Variants in C8A observed in about 807,000 individuals in gnomAD.
The protein encoded by C8A is complement component C8 alpha chain.
In C8A, 67 loss-of-function variants were observed where a neutral mutation model predicts 65.3. That is an observed-to-expected ratio of 1.03 (90% CI 0.84 to 1.26). The LOEUF is 1.26. Among genes scored for constraint, C8A ranks in the 50% most tolerant of loss-of-function variants. C8A has a pLI of 0.00. For synonymous variants in C8A, 290 were observed against 259.4 expected, an observed-to-expected ratio of 1.12 and a Z score of -1.13; for missense variants, 781 against 723.9, an observed-to-expected ratio of 1.08 and a Z score of -0.90.
intron 1 of C8A, among the ~76,000 whole-genome samples, chr1:56,858,862 C>G (rs1052826395): frequency 2.0e-5 from 3 of 152,216 alleles, no homozygotes; most frequent in African/African-American, 7.2e-5. Context: ...GTCCTGGCAT[C>G]ACCACGTAGT....
chr1:56,885,987 G>A lies in C8A; in HGVS notation c.916G>A (p.Asp306Asn). The A allele has an allele frequency of 6.2e-7, 1 of 1,614,032 alleles. No individual in the cohort carries two copies. The change falls in exon 7 of 11, where the codon GAT (aspartate) becomes AAT (asparagine). Residue 306 changes from aspartate (D) to asparagine (N), a missense_variant. Physicochemically the swap from Asp to Asn is conservative, Grantham distance 23. Transcript: ENST00000361249. ...GACTGCACATTTTAAGATGAGGAAGGATGACATTATGCTGGATGAAGGAAT... is the reference window on the plus strand; with the variant it reads ...GACTGCACATTTTAAGATGAGGAAGAATGACATTATGCTGGATGAAGGAAT... ...VQTAHFKMRKDDIMLDEGMLQ... is the reference protein window; with the variant it reads ...VQTAHFKMRKNDIMLDEGMLQ...
intron 9 of C8A, among the ~76,000 whole-genome samples, chr1:56,911,713 C>T (rs1385898570): frequency 1.3e-4 from 20 of 152,322 alleles, no homozygotes; most frequent in Non-Finnish European, 2.6e-4. Context: ...CCCTGAACTA[C>T]GGTCATGTCT....
chr1:56,904,159 T>C (rs949520053), intron 7 of C8A, among the ~76,000 whole-genome samples: 3 of 152,200 alleles, frequency 2.0e-5, no homozygotes, highest in Non-Finnish European at 4.4e-5. Flanking sequence ...ATCTCTCTGG[T>C]TCTGCGTCCT....
chr1:56,884,230 C>T (rs1644271938), intron 6 of C8A, among the ~76,000 whole-genome samples: 1 of 151,838 alleles, frequency 6.6e-6, no homozygotes, highest in South Asian at 2.1e-4. Context: ...CAAAAGTTGG[C>T]AGAAAGGTGC....
chr1:56,898,507 C>T (rs1474649292), intron 7 of C8A, among the ~76,000 whole-genome samples: 1 of 152,136 alleles, frequency 6.6e-6, no homozygotes, highest in Non-Finnish European at 1.5e-5. Context: ...TGGAATTTTG[C>T]ACCTCTCCCT....
rs552077233 is a variant in C8A at position 56,885,479 on chromosome 1, A to AAT, written c.856-441_856-440dup. On this transcript the variant is annotated intron_variant, in intron 6 of 10. Coordinates refer to ENST00000361249, the MANE Select transcript of C8A (RefSeq NM_000562.3). ...ATTTCCGTAAATATATATTTATTTA[A>AAT]ATATATATTTACGTAAATACATATA... is the stretch of plus-strand genomic sequence containing the variant. Among the ~76,000 whole-genome samples the AAT allele has an allele frequency of 7.8e-5, 8 of 102,706 alleles. 2 individuals carry two copies. The South Asian group carries it at 1.2e-3, about 16-fold the overall frequency. The allele number at this position is 102,706 out of a possible 152,430, so 67.4% of individuals were successfully genotyped here.
At chr1:56,902,446 C>T (rs1382713776) in intron 7 of C8A, among the ~76,000 whole-genome samples, 1 of 152,124 alleles carries the variant, frequency 6.6e-6, no homozygotes, top group African/African-American at 2.4e-5. Flanking sequence ...TGGCTTTGAA[C>T]ATCTTCACCC....
intron 7 of C8A, among the ~76,000 whole-genome samples, chr1:56,901,860 G>C (rs979256345): frequency 6.6e-6 from 1 of 151,822 alleles, no homozygotes; most frequent in African/African-American, 2.4e-5. Context: ...AGTCCTCCTC[G>C]CACACTACAA....
At chr1:56,908,988 A>G (rs1221514115) in intron 9 of C8A, among the ~76,000 whole-genome samples, 5 of 152,212 alleles carry the variant, frequency 3.3e-5, no homozygotes, top group Non-Finnish European at 1.5e-5. Context: ...ACTGGCATCC[A>G]GGAGGCAGAG....
At chr1:56,914,564 A>G (rs1460570338) in intron 10 of C8A, among the ~76,000 whole-genome samples, 1 of 152,202 alleles carries the variant, frequency 6.6e-6, no homozygotes, top group Admixed American at 6.5e-5. Flanking sequence ...ACCTGGTTTT[A>G]AGATCAGATG....
intron 10 of C8A, among the ~76,000 whole-genome samples, chr1:56,913,449 A>C (rs1462480585): frequency 1.3e-5 from 2 of 152,232 alleles, no homozygotes; most frequent in East Asian, 3.8e-4. Flanking sequence ...CCAGGGAAGA[A>C]AGTTATCAAA....
At chr1:56,910,774 A>G (rs1416209537) in intron 9 of C8A, among the ~76,000 whole-genome samples, 1 of 152,120 alleles carries the variant, frequency 6.6e-6, no homozygotes, top group East Asian at 1.9e-4. Context: ...TTCTGTACAC[A>G]TTTCCAGGAA....
In C8A at chr1:56,868,633, C is replaced by A. The variant is rs947650503; in HGVS notation, c.171+931C>A. On this transcript the variant is annotated intron_variant, in intron 2 of 10. Transcript: ENST00000361249. ...ACCCTGTCTCATAAATAAATAAATA[C>A]GTAATAAAACACAGTGTAACTTCTA... Among the ~76,000 whole-genome samples, 4 of 152,096 alleles carry A rather than the reference C, an allele frequency of 2.6e-5. No individual in the cohort carries two copies. In the East Asian group the frequency reaches 7.8e-4, roughly 30 times the overall value.
At chr1:56,858,855 C>T (rs568574352) in intron 1 of C8A, among the ~76,000 whole-genome samples, 1 of 152,316 alleles carries the variant, frequency 6.6e-6, no homozygotes, top group East Asian at 1.9e-4. Flanking sequence ...GGATTAAGTC[C>T]TGGCATCACC....
At chr1:56,908,949 C>T (rs1469350535) in intron 9 of C8A, among the ~76,000 whole-genome samples, 1 of 152,144 alleles carries the variant, frequency 6.6e-6, no homozygotes, top group Non-Finnish European at 1.5e-5. Context: ...ATATTTTTGT[C>T]ACCACCCACA....
chr1:56,871,998 A>G (rs1644150973), intron 2 of C8A, among the ~76,000 whole-genome samples: 1 of 152,182 alleles, frequency 6.6e-6, no homozygotes, highest in African/African-American at 2.4e-5. Context: ...CCTGTTGCTT[A>G]TTTAACTGTG....
intron 2 of C8A, among the ~76,000 whole-genome samples, chr1:56,871,182 T>C (rs897574959): frequency 6.6e-6 from 1 of 152,214 alleles, no homozygotes; most frequent in African/African-American, 2.4e-5. Flanking sequence ...TGCAAATGCC[T>C]TAAAAAATTA....
In C8A at chr1:56,918,135, T is replaced by C; in HGVS notation, c.*419T>C. 5.3e-6 allele frequency: 1 copy of C among 189,588 alleles called. No individual in the cohort carries two copies. The highest frequency in any genetic ancestry group is 1.1e-4 in the South Asian group (1 of 8,882). The allele number at this position is 189,588 out of a possible 1,614,324, so 11.7% of individuals were successfully genotyped here. A position where few individuals can be genotyped will look rare whatever the true frequency, so the allele number is the denominator to read the frequency against. ...TCTTAGTTCTTTGATAACAATTTGTTCACTCATAGAAACATTATTAATTGG... is the reference window on the plus strand; with the variant it reads ...TCTTAGTTCTTTGATAACAATTTGTCCACTCATAGAAACATTATTAATTGG... On this transcript the variant is annotated 3_prime_UTR_variant, in exon 11 of 11. Transcript: ENST00000361249.
At chr1:56,916,468 T>G (rs1644553468) in intron 10 of C8A, among the ~76,000 whole-genome samples, 1 of 151,790 alleles carries the variant, frequency 6.6e-6, no homozygotes, top group South Asian at 2.1e-4. Flanking sequence ...GGCACAGAGG[T>G]GGGAGAAAGA....
Sources: allele counts gnomAD v4.1 joint callset (sites outside exome capture counted in the v4.1 genomes callset), GRCh38; gene constraint gnomAD v4.1.1; transcripts MANE v1.5; gene names NCBI Gene and HGNC (gene_info 2026-07-23, HGNC 2026-07-21).